The following RAC1 variants were observed in gnomAD, a reference collection of about 807,000 sequenced individuals.
RAC1 encodes Rac family small GTPase 1, also known as ras-related C3 botulinum toxin substrate 1.
Under a neutral mutation model 25.2 loss-of-function variants are expected in RAC1, and 2 were observed. The ratio of observed to expected loss-of-function variants is 0.08; its 90% CI spans 0.03 to 0.25. The LOEUF is 0.25. Ranked by LOEUF, RAC1 falls within the 10% of genes least tolerant of loss-of-function variation. RAC1 has a pLI of 1.00. For synonymous variants in RAC1, 88 were observed against 94.0 expected (o/e 0.94, Z 0.37); for missense variants, 50 against 235.7 (o/e 0.21, Z 5.16).
chr7:6,400,036 C>G (rs1277993333), intron 3 of RAC1, 90 bp from the exon 4 acceptor site: 2 of 1,176,250 alleles, frequency 1.7e-6, no homozygotes, highest in African/African-American at 1.5e-5. Flanking sequence ...CTGCGTCCAA[C>G]AAGTCCTTCC....
In RAC1 at chr7:6,400,088, T is replaced by C. The variant is rs374028489; in HGVS notation, c.226-38T>C. On this transcript the variant is annotated intron_variant, in intron 3 of 5. Transcript: ENST00000348035. ...GCAAAGTGCATGCTTCATTCTAAGG[T>C]TGTTGTCTAAATGTTTCCCTGTGTT... is the stretch of plus-strand genomic sequence containing the variant. The C allele has an allele frequency of 7.1e-6, 11 of 1,548,592 alleles. No homozygotes were observed. In the African/African-American group the frequency reaches 1.4e-4, roughly 19 times the overall value.
intron 4 of RAC1, among the ~76,000 whole-genome samples, chr7:6,401,103 C>T (rs1441335842): frequency 6.6e-6 from 1 of 152,026 alleles, no homozygotes; most frequent in Non-Finnish European, 1.5e-5. Context: ...TTACAGGTGC[C>T]CGCCAACACA....
rs555136675 is a variant in RAC1 at position 6,402,469 on chromosome 7, G to A, written c.*23G>A. 1.9e-5 allele frequency: 23 copies of A among 1,203,462 alleles called. No individual in the cohort carries two copies. The South Asian group carries it at 2.5e-4, about 13-fold the overall frequency. 74.5% of individuals were successfully genotyped at this position (1,203,462 alleles called of 1,614,324 possible). ...TAAATGTCTCAGCCCCTCGTTCTTGGTCCTGTCCCTTGGAACCTTTGTACG... is the reference window on the plus strand; with the variant it reads ...TAAATGTCTCAGCCCCTCGTTCTTGATCCTGTCCCTTGGAACCTTTGTACG... On this transcript the variant is annotated 3_prime_UTR_variant, in exon 6 of 6. Transcript: ENST00000348035.
At chr7:6,375,706 CA>C (rs890857119) in intron 1 of RAC1, among the ~76,000 whole-genome samples, 1 of 150,380 alleles carries the variant, frequency 6.6e-6, no homozygotes, top group Non-Finnish European at 1.5e-5. Context: ...TGGTCATTGA[CA>C]AAAAAACTGT....
chr7:6,393,973 G>T (rs1340493301), intron 3 of RAC1, among the ~76,000 whole-genome samples: 4 of 152,170 alleles, frequency 2.6e-5, no homozygotes, highest in African/African-American at 9.7e-5. Flanking sequence ...ACTGGATCTG[G>T]TAGTAACATG....
At chr7:6,382,726 A>G (rs1230880635) in intron 1 of RAC1, among the ~76,000 whole-genome samples, 1 of 152,172 alleles carries the variant, frequency 6.6e-6, no homozygotes, top group Non-Finnish European at 1.5e-5. Context: ...AAAAAAAATT[A>G]GCTGGATGTG....
At chr7:6,392,720 G>A (rs1164036165) in intron 3 of RAC1, among the ~76,000 whole-genome samples, 1 of 152,124 alleles carries the variant, frequency 6.6e-6, no homozygotes, top group African/African-American at 2.4e-5. Flanking sequence ...TTTTACTTGT[G>A]TATCATTTGC....
intron 1 of RAC1, among the ~76,000 whole-genome samples, chr7:6,378,259 AT>A (rs148740961): frequency 0.023 from 3,494 of 152,138 alleles, 141 homozygotes; most frequent in African/African-American, 0.08. Context: ...GTATGAAAAT[AT>A]GTCTGCCAGG....
At chr7:6,394,301 G>A (rs836475) in intron 3 of RAC1, among the ~76,000 whole-genome samples, 8,232 of 152,236 alleles carry the variant, frequency 0.054, 532 homozygotes, top group African/African-American at 0.15. Context: ...ATTCTTAGTT[G>A]AAATTGCCCT....
chr7:6,389,840 C>G (rs1288788432), intron 2 of RAC1, among the ~76,000 whole-genome samples: 1 of 152,142 alleles, frequency 6.6e-6, no homozygotes, highest in East Asian at 1.9e-4. Context: ...TGAATGTTTA[C>G]TGTACATTTT....
Position 6,383,927 on chromosome 7 carries a change from C to T in RAC1, c.36-3285C>T, listed in dbSNP as rs530171471. 5.0e-4 allele frequency among the ~76,000 whole-genome samples: 75 copies of T among 150,472 alleles called. No homozygotes were observed. In the South Asian group the frequency reaches 8.3e-3, roughly 17 times the overall value. ...AAGCGACTCTCCTGCTTCAGCCTCC[C>T]GAGTAGCTGGGATTACAGGCATGCA... On this transcript the variant is annotated intron_variant, in intron 1 of 5. Transcript: ENST00000348035.
In RAC1 at chr7:6,374,687, C is replaced by T; in HGVS notation, c.-49C>T. 1 of 1,072,810 alleles carries T rather than the reference C, an allele frequency of 9.3e-7. No individual in the cohort carries two copies. The highest frequency in any genetic ancestry group is 1.1e-6 in the Non-Finnish European group (1 of 886,796). The allele number at this position is 1,072,810 out of a possible 1,614,324, so 66.5% of individuals were successfully genotyped here. On this transcript the variant is annotated 5_prime_UTR_variant, in exon 1 of 6. Coordinates refer to ENST00000348035, the MANE Select transcript of RAC1 (RefSeq NM_006908.5). ...CCGCCGCGCCCCGAGCCCGCCGCTT[C>T]CTATCTCAGCGCCCTGCCGCCGCCG... is the stretch of plus-strand genomic sequence containing the variant.
chr7:6,396,692 C>T (rs571479692), intron 3 of RAC1, among the ~76,000 whole-genome samples: 1 of 152,228 alleles, frequency 6.6e-6, no homozygotes, highest in South Asian at 2.1e-4. Context: ...TAGATGAAAC[C>T]CAGATAGCTG....
chr7:6,397,652 G>A (rs1260454165), intron 3 of RAC1, among the ~76,000 whole-genome samples: 1 of 152,172 alleles, frequency 6.6e-6, no homozygotes, highest in East Asian at 1.9e-4. Context: ...ACAAAGAAAT[G>A]AATTGACAGC....
At chr7:6,388,985 G>A (rs1351689913) in intron 2 of RAC1, among the ~76,000 whole-genome samples, 3 of 150,986 alleles carry the variant, frequency 2.0e-5, no homozygotes, top group Admixed American at 6.6e-5. Flanking sequence ...AGGATCACTT[G>A]AGGTCAGGAG....
intron 3 of RAC1, chr7:6,398,814 T>G (rs1783318737): frequency 8.6e-7 from 1 of 1,162,338 alleles, no homozygotes. Flanking sequence ...CTCAAGCTCC[T>G]TGAGTGTTTT....
chr7:6,382,775 A>G (rs949203169), intron 1 of RAC1, among the ~76,000 whole-genome samples: 1 of 152,236 alleles, frequency 6.6e-6, no homozygotes, highest in African/African-American at 2.4e-5. Flanking sequence ...TGGGAGGCTG[A>G]GGCAGGAGAA....
Position 6,403,311 on chromosome 7 carries a change from C to G in RAC1, c.*865C>G, listed in dbSNP as rs1295635252. The G allele has an allele frequency of 1.4e-5, 3 of 209,634 alleles. No homozygotes were observed. The highest frequency in any genetic ancestry group is 1.2e-4 in the Admixed American group (2 of 16,912). The allele number at this position is 209,634 out of a possible 1,614,324, so 13.0% of individuals were successfully genotyped here. ...TATTATCAGGAAATGTTTTCTTAAG[C>G]TTTTCCTTTCTCTTACACCTGCCAT... On this transcript the variant is annotated 3_prime_UTR_variant, in exon 6 of 6. Transcript: ENST00000348035.
chr7:6,389,179 G>A (rs981211330), intron 2 of RAC1, among the ~76,000 whole-genome samples: 3 of 148,140 alleles, frequency 2.0e-5, no homozygotes, highest in African/African-American at 7.6e-5. Flanking sequence ...TTCAGCCTGG[G>A]TAACAGAGTG....
Sources: gnomAD v4.1 joint callset for allele counts (sites outside exome capture counted in the v4.1 genomes callset) on GRCh38, gnomAD v4.1.1 for gene constraint, MANE v1.5 for transcripts, NCBI Gene and HGNC (gene_info 2026-07-23, HGNC 2026-07-21) for gene names.